CERK: variants seen among roughly 807,000 people sequenced by gnomAD.
CERK encodes ceramide kinase.
Under a neutral mutation model 63.4 loss-of-function variants are expected in CERK, and 39 were observed. That is an observed-to-expected ratio of 0.61 (90% CI 0.48 to 0.80). The LOEUF (loss-of-function observed/expected upper bound fraction) is 0.80, where lower values mean the gene tolerates loss of function less well. Among genes scored for constraint, CERK ranks in the 30% least tolerant of loss-of-function variants. The pLI is 0.00. For missense variants in CERK, 670 were observed against 714.1 expected, an observed-to-expected ratio of 0.94 and a Z score of 0.70; for synonymous variants, 302 against 280.0, an observed-to-expected ratio of 1.08 and a Z score of -0.78.
intron 1 of CERK, among the ~76,000 whole-genome samples, chr22:46,722,324 T>C (rs951393287): frequency 5.9e-5 from 9 of 152,170 alleles, no homozygotes; most frequent in African/African-American, 1.4e-4. Flanking sequence ...TTGAGCACTG[T>C]AGAAACCTTT....
At chr22:46,689,142 C>T (rs2082717458) in intron 12 of CERK, among the ~76,000 whole-genome samples, 1 of 152,268 alleles carries the variant, frequency 6.6e-6, no homozygotes, top group African/African-American at 2.4e-5. Context: ...TGTGTGGCCA[C>T]ACCTGCCTCC....
At chr22:46,691,223 C>T (rs537330188) in intron 11 of CERK, among the ~76,000 whole-genome samples, 30 of 152,004 alleles carry the variant, frequency 2.0e-4, no homozygotes, top group Non-Finnish European at 3.5e-4. Flanking sequence ...TACAGGCGCA[C>T]GCCACCACGC....
chr22:46,709,307 T>G (rs923765395), intron 5 of CERK, among the ~76,000 whole-genome samples: 1 of 152,100 alleles, frequency 6.6e-6, no homozygotes, highest in East Asian at 1.9e-4. Flanking sequence ...TTGGCTAGGG[T>G]GGGTGCAATA....
intron 3 of CERK, among the ~76,000 whole-genome samples, chr22:46,716,847 A>T (rs1376542381): frequency 1.3e-5 from 2 of 151,856 alleles, no homozygotes; most frequent in Non-Finnish European, 2.9e-5. Flanking sequence ...GAGGCTGAGG[A>T]TTGCTTGAAC....
intron 5 of CERK, among the ~76,000 whole-genome samples, chr22:46,709,652 A>G (rs1218219531): frequency 6.6e-6 from 1 of 152,240 alleles, no homozygotes; most frequent in Non-Finnish European, 1.5e-5. Context: ...GCTGCAATTT[A>G]TAACACATTG....
rs1271373191 is a variant in CERK, at chr22:46,688,849, A to C, written c.1541+1143T>G. On this transcript the variant is annotated intron_variant, in intron 12 of 12. Transcript: ENST00000216264. ...ACCGAGCTCTTACCAACATCTGCCA[A>C]GAGTTCAGAATCCACCTGAGCTCTA... Among the ~76,000 whole-genome samples the C allele has an allele frequency of 2.0e-5, 3 of 152,264 alleles. No individual in the cohort carries two copies. The East Asian group carries it at 5.8e-4, about 29-fold the overall frequency.
chr22:46,723,031 T>C (rs1381258305), intron 1 of CERK, among the ~76,000 whole-genome samples: 1 of 152,112 alleles, frequency 6.6e-6, no homozygotes, highest in African/African-American at 2.4e-5. Flanking sequence ...AGGATCCCAC[T>C]TGGGTATGAC....
At chr22:46,728,133 A>G (rs1029399341) in intron 1 of CERK, among the ~76,000 whole-genome samples, 3 of 152,114 alleles carry the variant, frequency 2.0e-5, no homozygotes, top group Non-Finnish European at 4.4e-5. Context: ...GCAGAACTGA[A>G]GTCCATACCA....
At chr22:46,707,312 C>A (rs2082817802) in intron 6 of CERK, among the ~76,000 whole-genome samples, 1 of 152,200 alleles carries the variant, frequency 6.6e-6, no homozygotes, top group Admixed American at 6.5e-5. Flanking sequence ...TTTCAAAGAA[C>A]AAGGTGGTTC....
At chr22:46,707,794 C>A in intron 6 of CERK, 49 bp downstream of exon 6, 2 of 1,561,760 alleles carry the variant, frequency 1.3e-6, no homozygotes, top group South Asian at 1.2e-5. Context: ...CAGAACAATT[C>A]CTAAGGACGG....
chr22:46,709,252 T>C (rs1185165957), intron 5 of CERK, among the ~76,000 whole-genome samples: 1 of 152,178 alleles, frequency 6.6e-6, no homozygotes, highest in Non-Finnish European at 1.5e-5. Context: ...GGCATGTCCC[T>C]GGGTTTGGGG....
intron 7 of CERK, among the ~76,000 whole-genome samples, 166 bp from the exon 8 acceptor site, chr22:46,699,631 C>A (rs1010573925): frequency 6.6e-6 from 1 of 152,200 alleles, no homozygotes; most frequent in African/African-American, 2.4e-5. Flanking sequence ...GTGTTGGATG[C>A]CATATTTTTT....
chr22:46,718,766 G>A (rs6008964), intron 3 of CERK, among the ~76,000 whole-genome samples: 25,304 of 152,204 alleles, frequency 0.17, 3,249 homozygotes, highest in African/African-American at 0.36. Flanking sequence ...GGTGAAGCCT[G>A]TGCTGAGTTG....
chr22:46,707,766 C>T (rs2082820207), intron 6 of CERK, 77 bp downstream of exon 6: 1 of 1,501,560 alleles, frequency 6.7e-7, no homozygotes, highest in African/African-American at 1.4e-5. Flanking sequence ...TATTAAGTGT[C>T]CGAGGTGGCT....
At chr22:46,690,226 AT>A in intron 11 of CERK, 26 bp from the exon 12 acceptor site, 1 of 1,603,428 alleles carries the variant, frequency 6.2e-7, no homozygotes, top group Non-Finnish European at 8.5e-7. Context: ...GAGAGGGACC[AT>A]TCAGCTCTAA....
intron 4 of CERK, among the ~76,000 whole-genome samples, chr22:46,711,950 T>G (rs377230062): frequency 6.6e-6 from 1 of 152,082 alleles, no homozygotes; most frequent in Non-Finnish European, 1.5e-5. Context: ...TAGCCAGGCA[T>G]GGTGGCACAA....
intron 12 of CERK, among the ~76,000 whole-genome samples, chr22:46,689,380 A>C (rs561171255): frequency 1.3e-5 from 2 of 152,208 alleles, no homozygotes; most frequent in South Asian, 2.1e-4. Flanking sequence ...TGCCTTTTGA[A>C]ATTTTTTTGA....
chr22:46,702,478 A>C (rs1479945068), intron 6 of CERK, among the ~76,000 whole-genome samples: 1 of 152,052 alleles, frequency 6.6e-6, no homozygotes, highest in Non-Finnish European at 1.5e-5. Flanking sequence ...TTCTTAGTAG[A>C]GGCAGGGTTT....
chr22:46,709,459 C>T (rs2082829818), intron 5 of CERK, among the ~76,000 whole-genome samples: 1 of 152,174 alleles, frequency 6.6e-6, no homozygotes, highest in Non-Finnish European at 1.5e-5. Context: ...GAGCCCCCTG[C>T]TTCCTGGAGC....
Sources: gnomAD v4.1 joint callset for allele counts (sites outside exome capture counted in the v4.1 genomes callset) on GRCh38, gnomAD v4.1.1 for gene constraint, MANE v1.5 for transcripts, NCBI Gene and HGNC (gene_info 2026-07-23, HGNC 2026-07-21) for gene names.